The following MTA3 variants were observed in gnomAD, a reference collection of about 807,000 sequenced individuals.
MTA3 encodes the protein metastasis-associated protein MTA3.
Under a neutral mutation model 83.5 loss-of-function variants are expected in MTA3, and 34 were observed. That is an observed-to-expected ratio of 0.41 (90% CI 0.31 to 0.54). The LOEUF is 0.54. Ranked by LOEUF, MTA3 falls within the 20% of genes least tolerant of loss-of-function variation. The pLI, the probability that MTA3 is intolerant of heterozygous loss-of-function variation, is 0.33. For synonymous variants in MTA3, 303 were observed against 252.7 expected, an observed-to-expected ratio of 1.20 and a Z score of -1.89; for missense variants, 761 against 726.4, an observed-to-expected ratio of 1.05 and a Z score of -0.55.
chr2:42,571,505 A>G (rs1211831028), intron 2 of MTA3, among the ~76,000 whole-genome samples: 6 of 152,000 alleles, frequency 3.9e-5, no homozygotes, highest in Non-Finnish European at 7.4e-5. Flanking sequence ...ATATTTTCAA[A>G]TTGCTTAGAG....
At chr2:42,512,144 T>TG (rs1404004733) in intron 2 of MTA3, among the ~76,000 whole-genome samples, 2 of 151,628 alleles carry the variant, frequency 1.3e-5, no homozygotes, top group East Asian at 3.8e-4. Context: ...TCCTTTTTTT[T>TG]TTGTTTTTGT....
intron 4 of MTA3, among the ~76,000 whole-genome samples, chr2:42,636,737 C>G (rs567230089): frequency 1.3e-5 from 2 of 151,348 alleles, no homozygotes; most frequent in African/African-American, 4.9e-5. Context: ...AGCCATTCTC[C>G]TGCCTCAGCC....
intron 4 of MTA3, among the ~76,000 whole-genome samples, chr2:42,629,744 C>T (rs1374067778): frequency 1.3e-5 from 2 of 151,836 alleles, no homozygotes; most frequent in Non-Finnish European, 2.9e-5. Context: ...TCTGTGGGGG[C>T]CTTTAAACTG....
At chr2:42,640,074 T>C in intron 4 of MTA3, 99 bp from the exon 5 acceptor site, 1 of 831,808 alleles carries the variant, frequency 1.2e-6, no homozygotes, top group Non-Finnish European at 1.9e-6. Context: ...TGCCATGTAG[T>C]TTCTTAATAC....
chr2:42,523,678 C>T (rs985470751), intron 2 of MTA3, among the ~76,000 whole-genome samples: 4 of 152,066 alleles, frequency 2.6e-5, no homozygotes, highest in South Asian at 2.1e-4. Flanking sequence ...TTTGAGAGGC[C>T]GAGGCAGTAG....
chr2:42,747,534 G>T (rs1410130668), intron 16 of MTA3, among the ~76,000 whole-genome samples: 4 of 151,912 alleles, frequency 2.6e-5, no homozygotes, highest in Admixed American at 6.5e-5. Context: ...CAAGGAGAGA[G>T]ACTCTGTTTT....
chr2:42,734,417 C>A (rs1574965), intron 16 of MTA3, among the ~76,000 whole-genome samples: 1 of 130,372 alleles, frequency 7.7e-6, no homozygotes, highest in East Asian at 2.1e-4. Context: ...CTTTGTTTCT[C>A]TGTGTGTCTT....
chr2:42,547,910 C>G (rs1471306707), intron 2 of MTA3, among the ~76,000 whole-genome samples: 1 of 152,096 alleles, frequency 6.6e-6, no homozygotes, highest in Admixed American at 6.6e-5. Context: ...GGTTTTCAAT[C>G]TTGTCTATCT....
intron 4 of MTA3, among the ~76,000 whole-genome samples, chr2:42,639,402 A>G (rs1687498330): frequency 6.6e-6 from 1 of 152,136 alleles, no homozygotes; most frequent in Non-Finnish European, 1.5e-5. Flanking sequence ...CTCCTGTCAG[A>G]TTTCTATTAG....
intron 15 of MTA3, among the ~76,000 whole-genome samples, chr2:42,722,521 C>T (rs1430563741): frequency 6.6e-6 from 1 of 152,136 alleles, no homozygotes; most frequent in Non-Finnish European, 1.5e-5. Flanking sequence ...GTTTTACCCC[C>T]CTCACCCCAA....
At chr2:42,508,081 G>A (rs538147629) in intron 2 of MTA3, among the ~76,000 whole-genome samples, 23 of 152,228 alleles carry the variant, frequency 1.5e-4, no homozygotes, top group South Asian at 1.2e-3. Flanking sequence ...CCTGGGCCAG[G>A]CTGGGCACCT....
upstream of MTA3, chr2:42,568,410 A>G (rs1192400749): frequency 6.6e-6 from 1 of 150,606 alleles, no homozygotes; most frequent in Admixed American, 6.6e-5. Context: ...ACTTCCAGCA[A>G]GGCCCCCCAC....
chr2:42,614,627 T>C (rs1039729657), intron 4 of MTA3, among the ~76,000 whole-genome samples: 1 of 151,892 alleles, frequency 6.6e-6, no homozygotes, highest in Non-Finnish European at 1.5e-5. Context: ...TATATTAATA[T>C]ATAACCCAGT....
intron 2 of MTA3, among the ~76,000 whole-genome samples, chr2:42,557,085 T>G (rs145655261): frequency 7.2e-5 from 11 of 152,022 alleles, no homozygotes; most frequent in African/African-American, 2.4e-4. Context: ...CCCACAAAAT[T>G]TAAAAGAAAA....
chr2:42,521,591 C>A lies in MTA3; in HGVS notation c.-141+26337C>A, dbSNP rs570809540. On this transcript the variant is annotated intron_variant, in intron 2 of 17. Transcript: ENST00000405592. ...TTACACATGGATTTCCATATTATTA[C>A]ACAGGGCCATGGACCCGGGGCACAC... 1.2e-4 allele frequency among the ~76,000 whole-genome samples: 19 copies of A among 152,242 alleles called. No homozygotes were observed. In the South Asian group the frequency reaches 4.0e-3, roughly 32 times the overall value.
chr2:42,536,103 G>C (rs1423188907), intron 2 of MTA3, among the ~76,000 whole-genome samples: 1 of 138,774 alleles, frequency 7.2e-6, no homozygotes, highest in Non-Finnish European at 1.6e-5. Flanking sequence ...CTGGGCAACA[G>C]TGAGACTCTC....
At chr2:42,627,684 C>T (rs1469441324) in intron 4 of MTA3, among the ~76,000 whole-genome samples, 1 of 151,598 alleles carries the variant, frequency 6.6e-6, no homozygotes, top group East Asian at 1.9e-4. Flanking sequence ...CTGCCTCAGC[C>T]TCCCAAGTAG....
At position 42,585,762 on chromosome 2, in the gene MTA3, CTT is replaced by C. The variant is rs1419885144; in HGVS notation, c.190+6564_190+6565del. The stretch of plus-strand genomic sequence containing the variant: ...GTGCTCGGATTAGAGGCATGAGCCA[CTT>C]TGCGTGGCCCCATCCTGTATTTTAT... On this transcript the variant is annotated intron_variant, in intron 3 of 16. Transcript: ENST00000405094. 3.9e-5 allele frequency among the ~76,000 whole-genome samples: 6 copies of C among 152,102 alleles called. No individual in the cohort carries two copies. The South Asian group carries it at 1.0e-3, about 26-fold the overall frequency.
intron 8 of MTA3, among the ~76,000 whole-genome samples, chr2:42,661,338 A>G (rs1415900868): frequency 6.6e-6 from 1 of 151,756 alleles, no homozygotes; most frequent in Non-Finnish European, 1.5e-5. Context: ...TGTCTCTACA[A>G]AAAAATACAA....
Sources: allele counts gnomAD v4.1 joint callset (sites outside exome capture counted in the v4.1 genomes callset), GRCh38; gene constraint gnomAD v4.1.1; transcripts MANE v1.5; gene names NCBI Gene and HGNC (gene_info 2026-07-23, HGNC 2026-07-21).